Variants in PDE4D observed in about 807,000 individuals in gnomAD.
PDE4D encodes the protein 3',5'-cyclic-AMP phosphodiesterase 4D.
Under a neutral mutation model 87.4 loss-of-function variants are expected in PDE4D, and 24 were observed. The ratio of observed to expected loss-of-function variants is 0.27; its 90% CI spans 0.20 to 0.39. The LOEUF is 0.39. PDE4D is among the 10% of genes least tolerant of loss of function. The pLI, the probability that PDE4D is intolerant of heterozygous loss-of-function variation, is 1.00. For missense variants in PDE4D, 714 were observed against 1,041.0 expected (o/e 0.69, Z 4.32); for synonymous variants, 384 against 383.2 (o/e 1.00, Z -0.02).
intron 1 of PDE4D, among the ~76,000 whole-genome samples, chr5:60,287,055 C>T (rs963390668): frequency 2.0e-5 from 3 of 152,146 alleles, no homozygotes; most frequent in African/African-American, 7.2e-5. Context: ...GACAACCATG[C>T]CTTCTATGAG....
chr5:59,768,638 GTC>G (rs932745896), intron 1 of PDE4D: 1 of 1,526,222 alleles, frequency 6.6e-7, no homozygotes, highest in Non-Finnish European at 8.7e-7. Flanking sequence ...GCCTGCCTCA[GTC>G]TCTCTGTAGA....
chr5:59,047,834 TAAG>T (rs1760948520), intron 5 of PDE4D, among the ~76,000 whole-genome samples: 1 of 152,194 alleles, frequency 6.6e-6, no homozygotes. Flanking sequence ...CGTGCCATTA[TAAG>T]AAGAGGCCAG....
At chr5:59,700,794 T>G (rs1203865374) in intron 1 of PDE4D, among the ~76,000 whole-genome samples, 1 of 152,170 alleles carries the variant, frequency 6.6e-6, no homozygotes, top group African/African-American at 2.4e-5. Flanking sequence ...GCCAATCATA[T>G]CCACTAAACA....
chr5:60,100,457 G>A (rs1776106336), intron 2 of PDE4D, among the ~76,000 whole-genome samples: 1 of 151,852 alleles, frequency 6.6e-6, no homozygotes, highest in Admixed American at 6.6e-5. Context: ...AAGGAAGGAG[G>A]GGAAGAGAGG....
At chr5:59,535,945 G>A (rs948234016) in intron 1 of PDE4D, among the ~76,000 whole-genome samples, 2 of 152,130 alleles carry the variant, frequency 1.3e-5, no homozygotes, top group African/African-American at 4.8e-5. Flanking sequence ...GCCTGAAAAA[G>A]ATCAGCACAT....
intron 1 of PDE4D, among the ~76,000 whole-genome samples, chr5:59,796,751 T>C (rs944443611): frequency 6.6e-6 from 1 of 152,234 alleles, no homozygotes; most frequent in African/African-American, 2.4e-5. Context: ...TCTAGCTCTC[T>C]TATTCAGCAG....
intron 1 of PDE4D, among the ~76,000 whole-genome samples, chr5:60,520,606 C>T (rs1441565693): frequency 1.3e-5 from 2 of 152,160 alleles, no homozygotes; most frequent in Non-Finnish European, 2.9e-5. Flanking sequence ...TGGCTTGTGG[C>T]CCCGGGCCAG....
At chr5:60,063,609 G>C (rs938275048) in intron 2 of PDE4D, among the ~76,000 whole-genome samples, 3 of 152,060 alleles carry the variant, frequency 2.0e-5, no homozygotes, top group African/African-American at 7.2e-5. Flanking sequence ...ATGCTAAAAT[G>C]GTTGTTATGA....
At chr5:59,664,554 C>T (rs1271859935) in intron 1 of PDE4D, among the ~76,000 whole-genome samples, 1 of 152,032 alleles carries the variant, frequency 6.6e-6, no homozygotes, top group Non-Finnish European at 1.5e-5. Flanking sequence ...AATAAATAGG[C>T]AAATCCCAGA....
intron 6 of PDE4D, among the ~76,000 whole-genome samples, chr5:58,994,432 A>G (rs1748678518): frequency 6.6e-6 from 1 of 151,980 alleles, no homozygotes; most frequent in Non-Finnish European, 1.5e-5. Context: ...TAAGCCTTTA[A>G]TATTTGCCTT....
At chr5:59,135,414 C>T (rs1429476105) in intron 5 of PDE4D, among the ~76,000 whole-genome samples, 2 of 152,132 alleles carry the variant, frequency 1.3e-5, no homozygotes, top group Non-Finnish European at 2.9e-5. Flanking sequence ...AATGTGGTCC[C>T]TGTTTCTGGG....
intron 1 of PDE4D, among the ~76,000 whole-genome samples, chr5:60,269,389 C>A (rs1176920824): frequency 2.0e-5 from 3 of 152,228 alleles, no homozygotes; most frequent in Non-Finnish European, 4.4e-5. Context: ...CACATTTTCA[C>A]ACATTAAAAA....
intron 2 of PDE4D, 193 bp downstream of exon 2, chr5:59,215,584 T>C: frequency 1.8e-6 from 1 of 559,600 alleles, no homozygotes. Context: ...TGTGTGTGTG[T>C]GTGTTAATCA....
At chr5:59,969,643 C>T (rs569301534) in intron 3 of PDE4D, among the ~76,000 whole-genome samples, 1 of 152,206 alleles carries the variant, frequency 6.6e-6, no homozygotes, top group East Asian at 1.9e-4. Context: ...ACAGGAGAGA[C>T]CTGGTAGAAG....
chr5:60,407,012 A>C (rs760934103), intron 1 of PDE4D, among the ~76,000 whole-genome samples: 2 of 152,162 alleles, frequency 1.3e-5, no homozygotes, highest in Non-Finnish European at 1.5e-5. Flanking sequence ...AATTGGAAAT[A>C]AGGTAGGGAT....
intron 2 of PDE4D, among the ~76,000 whole-genome samples, chr5:59,999,546 AC>A (rs59797589): frequency 0.13 from 18,815 of 143,768 alleles, 2,186 homozygotes; most frequent in African/African-American, 0.24. Flanking sequence ...AAAAAACAAA[AC>A]AAAACTGGAG....
intron 1 of PDE4D, among the ~76,000 whole-genome samples, chr5:59,739,373 T>G (rs528491753): frequency 6.6e-6 from 1 of 152,188 alleles, no homozygotes; most frequent in East Asian, 1.9e-4. Context: ...TGAGCCAAGA[T>G]TGTGCCACTG....
chr5:60,097,622 C>A (rs1401529804), intron 2 of PDE4D, among the ~76,000 whole-genome samples: 1 of 151,896 alleles, frequency 6.6e-6, no homozygotes, highest in Non-Finnish European at 1.5e-5. Context: ...AGACTGATAC[C>A]TTGCTTGCTC....
At chr5:59,373,794 C>T (rs1445890392) in intron 1 of PDE4D, among the ~76,000 whole-genome samples, 2 of 152,094 alleles carry the variant, frequency 1.3e-5, no homozygotes, top group Non-Finnish European at 2.9e-5. Flanking sequence ...GGTAAGGTCA[C>T]CTACAAAAGG....
Sources: gnomAD v4.1 joint callset for allele counts (sites outside exome capture counted in the v4.1 genomes callset) on GRCh38, gnomAD v4.1.1 for gene constraint, MANE v1.5 for transcripts, NCBI Gene and HGNC (gene_info 2026-07-23, HGNC 2026-07-21) for gene names.